FBXL4: variants seen among roughly 807,000 people sequenced by gnomAD.
FBXL4 encodes the protein F-box/LRR-repeat protein 4.
A neutral mutation model predicts 58.9 loss-of-function variants in FBXL4; 40 were observed. That is an observed-to-expected ratio of 0.68 (90% CI 0.53 to 0.88). The LOEUF is 0.88. Among genes scored for constraint, FBXL4 ranks in the 40% least tolerant of loss-of-function variants. The pLI is 0.00. For missense variants in FBXL4, 676 were observed against 734.4 expected (o/e 0.92, Z 0.92); for synonymous variants, 263 against 265.5 (o/e 0.99, Z 0.09).
intron 1 of FBXL4, among the ~76,000 whole-genome samples, chr6:98,947,601 G>C (rs1367535828): frequency 6.6e-6 from 1 of 152,188 alleles, no homozygotes; most frequent in East Asian, 1.9e-4. Flanking sequence ...CAGTTCTCAA[G>C]GGCCCCAGCA....
chr6:98,925,710 A>G (rs1301615695), intron 4 of FBXL4, among the ~76,000 whole-genome samples: 4 of 152,250 alleles, frequency 2.6e-5, no homozygotes, highest in Admixed American at 1.3e-4. Flanking sequence ...TGTGTGAAAC[A>G]AGGTACAGAA....
chr6:98,913,545 C>T (rs1454721427), intron 5 of FBXL4, among the ~76,000 whole-genome samples: 2 of 152,166 alleles, frequency 1.3e-5, no homozygotes, highest in Non-Finnish European at 2.9e-5. Context: ...GGAAACTGAA[C>T]AACCTGCTCC....
At chr6:98,904,059 G>A (rs187849741) in intron 6 of FBXL4, among the ~76,000 whole-genome samples, 2 of 152,230 alleles carry the variant, frequency 1.3e-5, no homozygotes, top group East Asian at 3.9e-4. Context: ...TACCCTAATG[G>A]TCTACATAAT....
intron 7 of FBXL4, among the ~76,000 whole-genome samples, chr6:98,885,563 C>A (rs932585355): frequency 3.3e-5 from 5 of 152,142 alleles, no homozygotes; most frequent in African/African-American, 1.2e-4. Flanking sequence ...AGAGAGAATT[C>A]TTCCAAATTC....
chr6:98,896,953 A>T (rs1771431376), intron 7 of FBXL4: 1 of 985,100 alleles, frequency 1.0e-6, no homozygotes, highest in South Asian at 4.7e-5. Context: ...GTAGACTAAT[A>T]ATTCTCTGAC....
rs1772812285 is a variant in FBXL4, at chr6:98,926,968, C to T, written c.21G>A (p.Met7Ile). 1 of 1,613,720 alleles carries T rather than the reference C, an allele frequency of 6.2e-7. No individual in the cohort carries two copies. The highest frequency in any genetic ancestry group is 1.3e-5 in the African/African-American group (1 of 74,858). The change falls in exon 4 of 10, where the codon ATG becomes ATA. Residue 7 changes from methionine (M) to isoleucine (I), a missense_variant. Physicochemically the swap from Met to Ile is conservative, Grantham distance 10. Coordinates refer to ENST00000369244, the MANE Select transcript of FBXL4 (RefSeq NM_001278716.2). MSPVFP[M>I]LTVLTMFYYI... ...AATAAAACATGGTCAGAACTGTTAA[C>T]ATGGGAAAGACCGGTGACATCTAGA...
In FBXL4 at chr6:98,872,233, G is replaced by C. The variant is rs944849794; in HGVS notation, c.*2045C>G. 3 of 152,168 alleles carry C rather than the reference G, an allele frequency of 2.0e-5. No homozygotes were observed. The highest frequency in any genetic ancestry group is 7.2e-5 in the African/African-American group (3 of 41,446). The allele number at this position is 152,168 out of a possible 1,614,324, so 9.4% of individuals were successfully genotyped here. A position where few individuals can be genotyped will look rare whatever the true frequency, so the allele number is the denominator to read the frequency against. On this transcript the variant is annotated 3_prime_UTR_variant, in exon 10 of 10. Coordinates refer to ENST00000369244, the MANE Select transcript of FBXL4 (RefSeq NM_001278716.2). ...ATCAATTTAACAGTGCAATTGAGGA[G>C]CTTCTGCCTAGTCTTCAATTGGAAG...
intron 6 of FBXL4, among the ~76,000 whole-genome samples, chr6:98,901,237 G>A (rs1771599577): frequency 6.6e-6 from 1 of 152,148 alleles, no homozygotes; most frequent in South Asian, 2.1e-4. Flanking sequence ...CAGAGATGTG[G>A]TGAGTAAAAC....
At chr6:98,906,607 C>T (rs994088876) in intron 5 of FBXL4, among the ~76,000 whole-genome samples, 3 of 152,244 alleles carry the variant, frequency 2.0e-5, no homozygotes, top group South Asian at 2.1e-4. Context: ...GTCTTTGCTA[C>T]TGTGAATAGT....
intron 5 of FBXL4, among the ~76,000 whole-genome samples, chr6:98,907,202 G>T (rs1165296892): frequency 6.6e-6 from 1 of 152,154 alleles, no homozygotes; most frequent in African/African-American, 2.4e-5. Flanking sequence ...AGAGTCTAGT[G>T]GCAAAGACTG....
intron 4 of FBXL4, among the ~76,000 whole-genome samples, chr6:98,923,920 T>A (rs932919615): frequency 3.3e-5 from 5 of 152,182 alleles, no homozygotes; most frequent in African/African-American, 1.2e-4. Context: ...CAGTAAAATT[T>A]AAAAAGGCTT....
chr6:98,886,985 A>G (rs374346302), intron 7 of FBXL4, among the ~76,000 whole-genome samples: 2 of 152,344 alleles, frequency 1.3e-5, no homozygotes, highest in East Asian at 1.9e-4. Context: ...GTGGTGGCTC[A>G]CGCCTATAAT....
chr6:98,875,813 T>G (rs1380949425), intron 8 of FBXL4, 86 bp from the exon 9 acceptor site: 4 of 1,320,364 alleles, frequency 3.0e-6, no homozygotes, highest in Non-Finnish European at 4.3e-6. Context: ...AATTATAACC[T>G]ATTGCTTTGC....
rs1405832344 is a variant in FBXL4 at position 98,917,629 on chromosome 6, G to C, written c.603C>G (p.Pro201=). 2 of 1,613,688 alleles carry C rather than the reference G, an allele frequency of 1.2e-6. No individual in the cohort carries two copies. The highest frequency in any genetic ancestry group is 2.7e-5 in the African/African-American group (2 of 74,882). Reference sequence around the variant, plus strand: ...TTACTTCCAGTCGTATAAGATTTGTGGGGAAATTTATCTGCTTAATACAAG... The same window carrying C: ...TTACTTCCAGTCGTATAAGATTTGTCGGGAAATTTATCTGCTTAATACAAG... ...FKPCIKQINF[P]TNLIRLEVNS... is the part of the protein sequence containing the mutation. The change falls in exon 5 of 10, where the codon CCC becomes CCG. Residue 201 remains proline, a synonymous_variant. Transcript: ENST00000369244.
intron 6 of FBXL4, among the ~76,000 whole-genome samples, chr6:98,900,870 G>A (rs1771582780): frequency 6.6e-6 from 1 of 152,054 alleles, no homozygotes; most frequent in Non-Finnish European, 1.5e-5. Context: ...TTAAAACTCT[G>A]ACACTCCTCA....
chr6:98,924,571 G>A (rs964022832), intron 4 of FBXL4, among the ~76,000 whole-genome samples: 12 of 151,948 alleles, frequency 7.9e-5, no homozygotes, highest in Non-Finnish European at 1.6e-4. Flanking sequence ...CAAAACAAAA[G>A]ATCCTACTCC....
At chr6:98,874,749 C>T (rs1288797523) in intron 9 of FBXL4, among the ~76,000 whole-genome samples, 2 of 152,138 alleles carry the variant, frequency 1.3e-5, no homozygotes, top group Non-Finnish European at 2.9e-5. Context: ...TCTGTCACCC[C>T]AGTTCAAAAT....
chr6:98,887,587 TA>T (rs1002653540), intron 7 of FBXL4, among the ~76,000 whole-genome samples: 2 of 152,182 alleles, frequency 1.3e-5, no homozygotes, highest in Non-Finnish European at 2.9e-5. Flanking sequence ...AACTGGGAAT[TA>T]AAAAATCATT....
intron 7 of FBXL4, among the ~76,000 whole-genome samples, chr6:98,891,721 CCAA>C (rs1562222860): frequency 1.9e-5 from 2 of 107,534 alleles, no homozygotes; most frequent in Non-Finnish European, 1.7e-5. Flanking sequence ...CCTATCTCTA[CCAA>C]AAAAAAAAAA....
Sources: allele counts gnomAD v4.1 joint callset (sites outside exome capture counted in the v4.1 genomes callset), GRCh38; gene constraint gnomAD v4.1.1; transcripts MANE v1.5; gene names NCBI Gene and HGNC (gene_info 2026-07-23, HGNC 2026-07-21).